PRKD1: variants seen among roughly 807,000 people sequenced by gnomAD.
PRKD1 encodes protein kinase D1, also known as serine/threonine-protein kinase D1.
Under a neutral mutation model 95.9 loss-of-function variants are expected in PRKD1, and 63 were observed. The ratio of observed to expected loss-of-function variants is 0.66; its 90% CI spans 0.54 to 0.81. The LOEUF is 0.81. Ranked by LOEUF, PRKD1 falls within the 30% of genes least tolerant of loss-of-function variation. The probability of loss-of-function intolerance (pLI) is 0.00; values close to 1 mark genes in which losing one functional copy is unlikely to be tolerated. For synonymous variants in PRKD1, 425 were observed against 423.1 expected (o/e 1.00, Z -0.05); for missense variants, 1,048 against 1,165.3 (o/e 0.90, Z 1.47).
intron 3 of PRKD1, among the ~76,000 whole-genome samples, chr14:29,665,264 G>T (rs557685004): frequency 6.6e-6 from 1 of 152,258 alleles, no homozygotes; most frequent in East Asian, 1.9e-4. Context: ...TGTACATGTG[G>T]TTTTCAGTAC....
chr14:29,614,608 G>C (rs913017687), intron 13 of PRKD1, among the ~76,000 whole-genome samples: 1 of 151,992 alleles, frequency 6.6e-6, no homozygotes, highest in Non-Finnish European at 1.5e-5. Context: ...AGTTATATAA[G>C]TAATAAGTGA....
intron 4 of PRKD1, among the ~76,000 whole-genome samples, chr14:29,640,921 C>A (rs1203599764): frequency 1.3e-5 from 2 of 152,212 alleles, no homozygotes; most frequent in East Asian, 1.9e-4. Flanking sequence ...ATTTACTATA[C>A]CATGGTGCAA....
intron 2 of PRKD1, 151 bp from the exon 3 acceptor site, chr14:29,666,359 A>G (rs912786688): frequency 1.4e-6 from 1 of 735,200 alleles, no homozygotes; most frequent in South Asian, 3.7e-5. Context: ...ACTTTCAGCC[A>G]TTAGACATTA....
intron 1 of PRKD1, among the ~76,000 whole-genome samples, chr14:29,767,012 A>T (rs1888288362): frequency 6.6e-6 from 1 of 152,124 alleles, no homozygotes; most frequent in Non-Finnish European, 1.5e-5. Flanking sequence ...CAAAAAAGGA[A>T]TGGCTTATAT....
At chr14:29,729,024 A>T (rs1886307817) in intron 1 of PRKD1, among the ~76,000 whole-genome samples, 1 of 152,174 alleles carries the variant, frequency 6.6e-6, no homozygotes, top group Non-Finnish European at 1.5e-5. Context: ...AAAAGTTGTG[A>T]ATTTATAAAA....
intron 4 of PRKD1, among the ~76,000 whole-genome samples, chr14:29,644,106 AG>A (rs1361960761): frequency 2.6e-5 from 4 of 152,234 alleles, no homozygotes; most frequent in African/African-American, 9.6e-5. Flanking sequence ...GCATAGGATT[AG>A]TGGATGAGAC....
At chr14:29,853,256 A>G (rs1307146581) in intron 1 of PRKD1, among the ~76,000 whole-genome samples, 1 of 152,250 alleles carries the variant, frequency 6.6e-6, no homozygotes, top group Non-Finnish European at 1.5e-5. Context: ...ACAAACATAA[A>G]GGGAGACATA....
At chr14:29,698,925 G>T (rs1437660032) in intron 2 of PRKD1, among the ~76,000 whole-genome samples, 3 of 152,080 alleles carry the variant, frequency 2.0e-5, no homozygotes, top group Admixed American at 2.0e-4. Flanking sequence ...ACAGATTCGC[G>T]TGGTTAAGTA....
intron 2 of PRKD1, among the ~76,000 whole-genome samples, chr14:29,723,476 G>A (rs962342525): frequency 2.0e-5 from 3 of 152,136 alleles, no homozygotes; most frequent in Non-Finnish European, 2.9e-5. Context: ...AAGGCTAAGG[G>A]AAAAGAGATA....
At chr14:29,737,328 C>CAAAAAAAAAAAAAAAAAAAAAA (rs796557046) in intron 1 of PRKD1, among the ~76,000 whole-genome samples, 1 of 37,930 alleles carries the variant, frequency 2.6e-5, no homozygotes, top group African/African-American at 9.8e-5. Flanking sequence ...GACTCCGTCT[C>CAAAAAAAAAAAAAAAAAAAAAA]AAAAAAAAAA....
At chr14:29,694,024 C>T (rs556369264) in intron 2 of PRKD1, among the ~76,000 whole-genome samples, 1 of 152,076 alleles carries the variant, frequency 6.6e-6, no homozygotes, top group Non-Finnish European at 1.5e-5. Context: ...ATGCATCAAC[C>T]TTCATAGGAA....
At chr14:29,694,175 A>G (rs913713187) in intron 2 of PRKD1, among the ~76,000 whole-genome samples, 4 of 152,222 alleles carry the variant, frequency 2.6e-5, no homozygotes, top group African/African-American at 4.8e-5. Flanking sequence ...GATGTTAAAA[A>G]TATGGTGCCC....
chr14:29,611,241 T>G (rs963002687), intron 13 of PRKD1, among the ~76,000 whole-genome samples: 29 of 152,160 alleles, frequency 1.9e-4, no homozygotes, highest in African/African-American at 6.5e-4. Context: ...TACACATGTG[T>G]AGGGGCAAGG....
intron 1 of PRKD1, among the ~76,000 whole-genome samples, chr14:29,911,354 T>G (rs1894707126): frequency 6.6e-6 from 1 of 152,222 alleles, no homozygotes; most frequent in Non-Finnish European, 1.5e-5. Flanking sequence ...TTAAAATTTA[T>G]ATTTTTAAGT....
At chr14:29,651,105 C>G (rs757747567) in intron 4 of PRKD1, among the ~76,000 whole-genome samples, 2 of 152,170 alleles carry the variant, frequency 1.3e-5, no homozygotes, top group Non-Finnish European at 2.9e-5. Context: ...CGCTCATGTG[C>G]TTCTGAAACA....
At chr14:29,838,605 G>GCCAAA (rs2139310855) in intron 1 of PRKD1, among the ~76,000 whole-genome samples, 1 of 152,180 alleles carries the variant, frequency 6.6e-6, no homozygotes, top group South Asian at 2.1e-4. Context: ...TTGTCTTCAT[G>GCCAAA]CCACATTACT....
At chr14:29,749,904 G>C (rs777926408) in intron 1 of PRKD1, among the ~76,000 whole-genome samples, 2 of 152,140 alleles carry the variant, frequency 1.3e-5, no homozygotes, top group Non-Finnish European at 2.9e-5. Flanking sequence ...GAATTAGTTG[G>C]GGATGTATGC....
chr14:29,606,097 C>T (rs543396876), intron 13 of PRKD1, among the ~76,000 whole-genome samples: 1 of 152,252 alleles, frequency 6.6e-6, no homozygotes, highest in East Asian at 1.9e-4. Flanking sequence ...ACTACAGCCT[C>T]CCCCTCTCGG....
At chr14:29,716,132 G>A (rs541745843) in intron 2 of PRKD1, among the ~76,000 whole-genome samples, 32 of 152,194 alleles carry the variant, frequency 2.1e-4, no homozygotes, top group African/African-American at 5.5e-4. Flanking sequence ...CATTGCCCTC[G>A]TGTTCTTTTC....
Sources: allele counts gnomAD v4.1 joint callset (sites outside exome capture counted in the v4.1 genomes callset), GRCh38; gene constraint gnomAD v4.1.1; transcripts MANE v1.5; gene names NCBI Gene and HGNC (gene_info 2026-07-23, HGNC 2026-07-21).